PCDHGA4: variants seen among roughly 807,000 people sequenced by gnomAD.
PCDHGA4 encodes protocadherin gamma-A4.
A neutral mutation model predicts 54.6 loss-of-function variants in PCDHGA4; 38 were observed. That is an observed-to-expected ratio of 0.70 (90% CI 0.54 to 0.91). PCDHGA4 has a LOEUF of 0.91. Among genes scored for constraint, PCDHGA4 ranks in the 40% least tolerant of loss-of-function variants. The pLI is 0.00. For synonymous variants in PCDHGA4, 511 were observed against 512.9 expected (o/e 1.00, Z 0.05); for missense variants, 1,298 against 1,220.9 (o/e 1.06, Z -0.94).
At chr5:141,404,593 A>G in intron 1 of PCDHGA4, 1 of 1,614,080 alleles carries the variant, frequency 6.2e-7, no homozygotes, top group Non-Finnish European at 8.5e-7. Context: ...GCAATGTGTC[A>G]TTGAGACTGT....
intron 1 of PCDHGA4, chr5:141,390,739 A>G (rs1459430005): frequency 5.6e-6 from 1 of 178,034 alleles, no homozygotes; most frequent in Non-Finnish European, 1.2e-5. Context: ...TATGGTCTCC[A>G]TAGTAGTCCA....
chr5:141,512,712 A>G lies in PCDHGA4; in HGVS notation c.*1539A>G, dbSNP rs1362654237. 1 of 152,806 alleles carries G rather than the reference A, an allele frequency of 6.5e-6. No homozygotes were observed. The highest frequency in any genetic ancestry group is 2.4e-5 in the African/African-American group (1 of 41,414). 9.5% of individuals were successfully genotyped at this position (152,806 alleles called of 1,614,324 possible). On this transcript the variant is annotated 3_prime_UTR_variant, in exon 4 of 4. Coordinates refer to ENST00000571252, the MANE Select transcript of PCDHGA4 (RefSeq NM_018917.4). Reference sequence around the variant, plus strand: ...GTGTAGTGCGGTGTGCTTTTACGTGATGGCGGGTGGGCAGCGGGCGGCGGG... The same window carrying G: ...GTGTAGTGCGGTGTGCTTTTACGTGGTGGCGGGTGGGCAGCGGGCGGCGGG...
chr5:141,374,478 G>A (rs781173070), intron 1 of PCDHGA4: 6 of 1,611,820 alleles, frequency 3.7e-6, no homozygotes, highest in Non-Finnish European at 5.1e-6. Context: ...AATACACCCC[G>A]ATTCTTAAAG....
At chr5:141,385,158 T>C in intron 1 of PCDHGA4, 2 of 1,614,212 alleles carry the variant, frequency 1.2e-6, no homozygotes, top group African/African-American at 2.7e-5. Context: ...TGCAGACCTA[T>C]TCCCATGAGG....
At chr5:141,407,932 C>T (rs1465007397) in intron 1 of PCDHGA4, 7 of 504,268 alleles carry the variant, frequency 1.4e-5, no homozygotes, top group Non-Finnish European at 2.0e-5. Context: ...CACGGAGCCT[C>T]TGGGCGCCGC....
At chr5:141,384,798 G>A in intron 1 of PCDHGA4, 3 of 1,613,448 alleles carry the variant, frequency 1.9e-6, no homozygotes, top group Non-Finnish European at 2.5e-6. Flanking sequence ...GGGCCCTGCT[G>A]GACAGAGATG....
chr5:141,477,512 A>G lies in PCDHGA4; in HGVS notation c.2515-17295A>G. 1.9e-6 allele frequency: 3 copies of G among 1,614,156 alleles called. No homozygotes were observed. Among genetic ancestry groups the G allele is most frequent in the South Asian group, 2.2e-5 (2 of 91,072 alleles). ...TTCTCAATCTTCCTACGACGTTTAC[A>G]TTGAAGAAAACAACCTCCCCGGGGC... On this transcript the variant is annotated intron_variant, in intron 1 of 3. Transcript: ENST00000571252. This position sits in a 1 kb window ranked among gnomAD's most constrained non-coding sequence, Gnocchi z 4.9.
chr5:141,394,746 G>A (rs1380467870), intron 1 of PCDHGA4: 3 of 1,613,418 alleles, frequency 1.9e-6, no homozygotes. Flanking sequence ...CCTCGTGGTG[G>A]CCGTCCAGGA....
Position 141,486,697 on chromosome 5 carries a change from C to G in PCDHGA4, c.2515-8110C>G. 1 of 1,614,176 alleles carries G rather than the reference C, an allele frequency of 6.2e-7. No individual in the cohort carries two copies. The highest frequency in any genetic ancestry group is 8.5e-7 in the Non-Finnish European group (1 of 1,180,032). ...GAGATGTATCAGCTTCCTCTTTCATCTCTCTGAACCCCCAGACAGGAGCTG... is the reference window on the plus strand; with the variant it reads ...GAGATGTATCAGCTTCCTCTTTCATGTCTCTGAACCCCCAGACAGGAGCTG... On this transcript the variant is annotated intron_variant, in intron 1 of 3. Coordinates refer to ENST00000571252, the MANE Select transcript of PCDHGA4 (RefSeq NM_018917.4). The surrounding 1 kb of genome is among the most constrained non-coding windows in gnomAD (Gnocchi z 5.0).
chr5:141,423,759 G>C, intron 1 of PCDHGA4: 1 of 321,042 alleles, frequency 3.1e-6, no homozygotes, highest in Non-Finnish European at 4.5e-6. Flanking sequence ...TTGGGGGGGG[G>C]GTGGGGCGGC....
At chr5:141,427,440 G>A (rs747459662) in intron 1 of PCDHGA4, 1 of 477,484 alleles carries the variant, frequency 2.1e-6, no homozygotes, top group South Asian at 1.5e-5. Flanking sequence ...CCTCATAAAC[G>A]AAAGAGTTCC....
At chr5:141,406,382 G>C (rs189693155) in intron 1 of PCDHGA4, among the ~76,000 whole-genome samples, 1 of 152,114 alleles carries the variant, frequency 6.6e-6, no homozygotes, top group Non-Finnish European at 1.5e-5. Context: ...TGATAAAAAG[G>C]TAAATGTATT....
At chr5:141,397,324 T>C (rs2093508718) in intron 1 of PCDHGA4, among the ~76,000 whole-genome samples, 1 of 152,148 alleles carries the variant, frequency 6.6e-6, no homozygotes, top group African/African-American at 2.4e-5. Flanking sequence ...TAAAGAAAAA[T>C]TATTTTTATA....
intron 1 of PCDHGA4, chr5:141,376,333 G>A: frequency 6.2e-7 from 1 of 1,614,188 alleles, no homozygotes; most frequent in Non-Finnish European, 8.5e-7. Context: ...GGGCTTTCCT[G>A]CAGACCTATT....
intron 1 of PCDHGA4, chr5:141,383,082 G>A: frequency 1.2e-6 from 2 of 1,613,934 alleles, no homozygotes; most frequent in African/African-American, 2.7e-5. Context: ...AGCTGGCGGA[G>A]CGCGGAGTCC....
chr5:141,370,186 G>A (rs1032273618), intron 1 of PCDHGA4: 2 of 508,450 alleles, frequency 3.9e-6, no homozygotes, highest in Non-Finnish European at 6.8e-6. Flanking sequence ...GCCGCTCTTG[G>A]CTAGTGCTGT....
intron 1 of PCDHGA4, chr5:141,394,896 G>A: frequency 4.3e-6 from 7 of 1,613,872 alleles, no homozygotes; most frequent in Non-Finnish European, 5.9e-6. Context: ...CTATCTCGTG[G>A]TGGCAGTGGC....
intron 1 of PCDHGA4, chr5:141,372,236 C>G (rs777727544): frequency 1.2e-6 from 2 of 1,613,204 alleles, no homozygotes; most frequent in East Asian, 4.5e-5. Flanking sequence ...CCAGCGAGCC[C>G]GGGCTGTTCA....
chr5:141,409,038 A>G (rs571756448), intron 1 of PCDHGA4: 9 of 1,614,026 alleles, frequency 5.6e-6, no homozygotes, highest in Non-Finnish European at 7.6e-6. Flanking sequence ...GAGATAAACT[A>G]CTACTTCCGA....
Sources: allele counts gnomAD v4.1 joint callset (sites outside exome capture counted in the v4.1 genomes callset), GRCh38; gene constraint gnomAD v4.1.1; non-coding constraint Gnocchi (gnomAD v3.1); transcripts MANE v1.5; gene names NCBI Gene and HGNC (gene_info 2026-07-23, HGNC 2026-07-21).